Variants in DPP10 observed in about 807,000 individuals in gnomAD.
DPP10 encodes dipeptidyl peptidase like 10, also known as inactive dipeptidyl peptidase 10.
DPP10 carries 33 observed loss-of-function variants against 120.9 expected under a neutral mutation model. The ratio of observed to expected loss-of-function variants is 0.27; its 90% CI spans 0.21 to 0.37. DPP10 has a LOEUF of 0.37. DPP10 is among the 10% of genes least tolerant of loss of function. The pLI, the probability that DPP10 is intolerant of heterozygous loss-of-function variation, is 1.00. For missense variants in DPP10, 816 were observed against 942.8 expected (o/e 0.87, Z 1.76); for synonymous variants, 337 against 326.1 (o/e 1.03, Z -0.36).
intron 1 of DPP10, among the ~76,000 whole-genome samples, chr2:114,929,321 G>A (rs1695888306): frequency 6.6e-6 from 1 of 152,182 alleles, no homozygotes; most frequent in South Asian, 2.1e-4. Context: ...CGGGGTTCAA[G>A]AGCAGATGAC....
Position 115,778,558 on chromosome 2 carries a change from A to G in DPP10, c.1361+724A>G, listed in dbSNP as rs558351059. On this transcript the variant is annotated intron_variant, in intron 15 of 25. Transcript: ENST00000410059. ...GCAACCTATTAATTCTAGACTTTATATACATGTTCTAATTTCCATTTCACA... is the reference window on the plus strand; with the variant it reads ...GCAACCTATTAATTCTAGACTTTATGTACATGTTCTAATTTCCATTTCACA... Among the ~76,000 whole-genome samples the G allele has an allele frequency of 3.5e-4, 53 of 152,200 alleles. No individual in the cohort carries two copies. The South Asian group carries it at 8.5e-3, about 24-fold the overall frequency.
intron 11 of DPP10, among the ~76,000 whole-genome samples, chr2:115,760,870 G>A (rs1575703490): frequency 6.6e-6 from 1 of 152,132 alleles, no homozygotes; most frequent in Non-Finnish European, 1.5e-5. Context: ...GCCAGTGTGG[G>A]CAGATCACCT....
intron 19 of DPP10, among the ~76,000 whole-genome samples, chr2:115,791,586 G>A (rs1683995334): frequency 6.6e-6 from 1 of 152,146 alleles, no homozygotes; most frequent in Non-Finnish European, 1.5e-5. Flanking sequence ...GCTACTGCCA[G>A]GAATAGTGAC....
chr2:115,503,889 A>G (rs910939034), intron 4 of DPP10, among the ~76,000 whole-genome samples: 1 of 152,062 alleles, frequency 6.6e-6, no homozygotes, highest in Non-Finnish European at 1.5e-5. Flanking sequence ...TGTGCATCCT[A>G]CACTTAACGC....
At chr2:114,699,219 A>G (rs996497748) in intron 1 of DPP10, among the ~76,000 whole-genome samples, 2 of 152,174 alleles carry the variant, frequency 1.3e-5, no homozygotes, top group Non-Finnish European at 2.9e-5. Flanking sequence ...GGTACCATGA[A>G]GGCATGGCCC....
intron 1 of DPP10, among the ~76,000 whole-genome samples, chr2:114,875,522 C>T (rs547982240): frequency 3.3e-5 from 5 of 152,160 alleles, no homozygotes; most frequent in East Asian, 3.9e-4. Flanking sequence ...CTAATAAGTT[C>T]GGCCCAAATT....
intron 1 of DPP10, among the ~76,000 whole-genome samples, chr2:114,814,524 T>G (rs938184087): frequency 6.6e-5 from 10 of 152,180 alleles, no homozygotes; most frequent in Non-Finnish European, 1.3e-4. Flanking sequence ...TTTGTTTAAT[T>G]TGATATATCC....
At chr2:114,736,889 T>C (rs1677494442) in intron 1 of DPP10, among the ~76,000 whole-genome samples, 1 of 152,180 alleles carries the variant, frequency 6.6e-6, no homozygotes, top group South Asian at 2.1e-4. Flanking sequence ...TGCTAGCTAT[T>C]TAGTGGGTTA....
At chr2:115,150,786 A>G (rs1161766559) in intron 1 of DPP10, among the ~76,000 whole-genome samples, 3 of 152,248 alleles carry the variant, frequency 2.0e-5, no homozygotes, top group Non-Finnish European at 4.4e-5. Flanking sequence ...CATAAAATAC[A>G]TACTGGATAT....
intron 1 of DPP10, among the ~76,000 whole-genome samples, chr2:115,204,431 C>T (rs1394868096): frequency 6.6e-6 from 1 of 152,078 alleles, no homozygotes; most frequent in Non-Finnish European, 1.5e-5. Flanking sequence ...ATTATATAGA[C>T]CTTGCATGCA....
At chr2:114,909,933 TC>T (rs1694242809) in intron 1 of DPP10, among the ~76,000 whole-genome samples, 1 of 151,920 alleles carries the variant, frequency 6.6e-6, no homozygotes, top group Non-Finnish European at 1.5e-5. Context: ...AACTACAGAC[TC>T]AGTCTGTAGG....
chr2:115,624,895 C>T (rs1218620203), intron 5 of DPP10, among the ~76,000 whole-genome samples: 2 of 151,904 alleles, frequency 1.3e-5, no homozygotes, highest in East Asian at 3.9e-4. Flanking sequence ...TCATTATGAT[C>T]ATAAGGAAAA....
At chr2:114,681,010 G>C (rs986577710) in intron 1 of DPP10, among the ~76,000 whole-genome samples, 1 of 151,568 alleles carries the variant, frequency 6.6e-6, no homozygotes, top group Non-Finnish European at 1.5e-5. Context: ...ATTTTGTTCT[G>C]TATTTAGGTC....
chr2:114,769,189 C>T (rs976376707), intron 1 of DPP10, among the ~76,000 whole-genome samples: 1 of 152,002 alleles, frequency 6.6e-6, no homozygotes, highest in Non-Finnish European at 1.5e-5. Context: ...GTGGTGTGGC[C>T]GATAAAACCC....
chr2:115,733,583 GA>G lies in DPP10; in HGVS notation c.697+5651del, dbSNP rs1439104754. 8.5e-5 allele frequency among the ~76,000 whole-genome samples: 6 copies of G among 70,522 alleles called. No homozygotes were observed. The South Asian group carries it at 3.1e-3, about 37-fold the overall frequency. The allele number at this position is 70,522 out of a possible 152,430, so 46.3% of individuals were successfully genotyped here. A position where few individuals can be genotyped will look rare whatever the true frequency, so the allele number is the denominator to read the frequency against. On this transcript the variant is annotated intron_variant, in intron 8 of 25. Coordinates refer to ENST00000410059, the MANE Select transcript of DPP10 (RefSeq NM_020868.6). ...TCAAGGAATTTGACAGTGAAATGCA[GA>G]AAATTGAAAAAAAAAAAAAAATCAA...
chr2:115,017,674 TAA>T (rs61388707), intron 1 of DPP10, among the ~76,000 whole-genome samples: 1 of 152,016 alleles, frequency 6.6e-6, no homozygotes, highest in African/African-American at 2.4e-5. Flanking sequence ...TATGCAGCCA[TAA>T]AAAAATGATG....
intron 1 of DPP10, among the ~76,000 whole-genome samples, chr2:115,154,844 C>A (rs1234294947): frequency 2.6e-5 from 4 of 151,302 alleles, no homozygotes; most frequent in African/African-American, 7.3e-5. Context: ...AATTAGGATG[C>A]TGAACAAGCT....
chr2:114,480,298 T>C (rs943099859), intron 1 of DPP10, among the ~76,000 whole-genome samples: 8 of 152,014 alleles, frequency 5.3e-5, no homozygotes, highest in East Asian at 1.9e-4. Context: ...GTCAGTGTGG[T>C]GATTCCTCAG....
chr2:115,779,574 G>T (rs1682508386), intron 15 of DPP10, among the ~76,000 whole-genome samples: 1 of 151,958 alleles, frequency 6.6e-6, no homozygotes, highest in South Asian at 2.1e-4. Flanking sequence ...AGGGAGCTTG[G>T]ATCTAAAAGC....
Sources: gnomAD v4.1 joint callset for allele counts (sites outside exome capture counted in the v4.1 genomes callset) on GRCh38, gnomAD v4.1.1 for gene constraint, MANE v1.5 for transcripts, NCBI Gene and HGNC (gene_info 2026-07-23, HGNC 2026-07-21) for gene names.